The following BTN3A2 variants were observed in gnomAD, a reference collection of about 807,000 sequenced individuals.
The protein encoded by BTN3A2 is butyrophilin subfamily 3 member A2.
A neutral mutation model predicts 37.6 loss-of-function variants in BTN3A2; 25 were observed. That is an observed-to-expected ratio of 0.66 (90% confidence interval 0.48 to 0.93). BTN3A2 has a LOEUF of 0.93. Ranked by LOEUF, BTN3A2 falls within the 40% of genes least tolerant of loss-of-function variation. The probability of loss-of-function intolerance (pLI) is 0.00; values close to 1 mark genes in which losing one functional copy is unlikely to be tolerated. For missense variants in BTN3A2, 266 were observed against 410.9 expected, an observed-to-expected ratio of 0.65 and a Z score of 3.05; for synonymous variants, 122 against 159.4, an observed-to-expected ratio of 0.77 and a Z score of 1.77.
chr6:26,370,695 C>A, intron 5 of BTN3A2, 92 bp downstream of exon 5: 1 of 1,569,822 alleles, frequency 6.4e-7, no homozygotes, highest in South Asian at 1.2e-5. Flanking sequence ...ACCTGGGTCT[C>A]TGCACTGAAT....
chr6:26,373,331 C>T, intron 7 of BTN3A2, 35 bp downstream of exon 7: 7 of 1,587,186 alleles, frequency 4.4e-6, no homozygotes, highest in Non-Finnish European at 5.1e-6. Context: ...CCAGACATGT[C>T]TTCCTATCCT....
At position 26,368,002 on chromosome 6, in the gene BTN3A2, A is replaced by G; in HGVS notation, c.-54A>G. On this transcript the variant is annotated 5_prime_UTR_variant, in exon 2 of 11. It adds an upstream start codon to the 5' untranslated region. Coordinates refer to ENST00000377708, the MANE Select transcript of BTN3A2 (RefSeq NM_007047.5). ...ATTATTTTTACAGATGGTTTTCCAT[A>G]CTGGAACCCAAAGGTAAAGACACTC... The G allele has an allele frequency of 7.1e-6, 10 of 1,414,812 alleles. No individual in the cohort carries two copies. Among genetic ancestry groups the G allele is most frequent in the South Asian group, 1.6e-5 (1 of 64,110 alleles). The allele number at this position is 1,414,812 out of a possible 1,614,324, so 87.6% of individuals were successfully genotyped here.
intron 10 of BTN3A2, chr6:26,375,427 A>G (rs1760621133): frequency 2.0e-6 from 1 of 493,136 alleles, no homozygotes; most frequent in South Asian, 3.2e-5. Flanking sequence ...GGGCCTTGTT[A>G]GAGCACCACC....
intron 1 of BTN3A2, among the ~76,000 whole-genome samples, chr6:26,367,780 G>A (rs1759658448): frequency 6.6e-6 from 1 of 152,208 alleles, no homozygotes; most frequent in Admixed American, 6.5e-5. Flanking sequence ...TGACGCTTGA[G>A]GAGTCCATAG....
At chr6:26,374,480 T>G in intron 9 of BTN3A2, 107 bp downstream of exon 9, 1 of 1,259,048 alleles carries the variant, frequency 7.9e-7, no homozygotes, top group South Asian at 1.2e-5. Context: ...ACTCAATTTC[T>G]GTGTGGTGGG....
chr6:26,367,208 A>C (rs959588687), intron 1 of BTN3A2, among the ~76,000 whole-genome samples: 3 of 152,200 alleles, frequency 2.0e-5, no homozygotes, highest in Non-Finnish European at 4.4e-5. Flanking sequence ...TGCTGCATTG[A>C]ATTTCCTCCT....
At chr6:26,374,201 T>TAAAAAAAAAAAAAAAAAAAA (rs34655395) in intron 8 of BTN3A2, 126 bp from the exon 9 acceptor site, 3 of 240,888 alleles carry the variant, frequency 1.2e-5, no homozygotes, top group African/African-American at 1.6e-4. Context: ...GGTGGGATGG[T>TAAAAAAAAAAAAAAAAAAAA]AAAAAAAAAA....
chr6:26,370,493 A>G lies in BTN3A2; in HGVS notation c.605A>G (p.Tyr202Cys), dbSNP rs201661141. 1.2e-5 allele frequency: 19 copies of G among 1,614,202 alleles called. No individual in the cohort carries two copies. Among genetic ancestry groups the G allele is most frequent in the Non-Finnish European group, 1.5e-5 (18 of 1,180,036 alleles). ...APVVADGVGL[Y>C]EVAASVIMRG... Reference sequence around the variant, plus strand: ...GTGGTTGCAGATGGAGTGGGCCTATATGAAGTAGCAGCATCTGTGATCATG... The same window carrying G: ...GTGGTTGCAGATGGAGTGGGCCTATGTGAAGTAGCAGCATCTGTGATCATG... Residue 202 changes from tyrosine (Y) to cysteine (C), a missense_variant, in exon 5 of 11, where the codon TAT becomes TGT. Physicochemically the swap from Tyr to Cys is radical, Grantham distance 194. Coordinates refer to ENST00000377708, the MANE Select transcript of BTN3A2 (RefSeq NM_007047.5).
In BTN3A2 at chr6:26,372,914, G is replaced by T. The variant is rs780468088; in HGVS notation, c.733G>T (p.Ala245Ser). 4 of 1,613,696 alleles carry T rather than the reference G, an allele frequency of 2.5e-6. No homozygotes were observed. The highest frequency in any genetic ancestry group is 2.2e-5 in the East Asian group (1 of 44,884). ...CTTCGCAGACCCCTTCTTCAGGAGC[G>T]CCCAGCCCTGGATCGCAGCCCTGGC... ...ISIADPFFRS[A>S]QPWIAALAGT... The change falls in exon 6 of 11, where the codon GCC becomes TCC. Residue 245 changes from alanine to serine, a missense_variant. Physicochemically the swap from Ala to Ser is moderately conservative, Grantham distance 99. Coordinates refer to ENST00000377708, the MANE Select transcript of BTN3A2 (RefSeq NM_007047.5).
rs917359024 is a variant in BTN3A2 at position 26,376,463 on chromosome 6, C to T, written c.*701C>T. The T allele has an allele frequency of 1.5e-5, 14 of 963,278 alleles. No homozygotes were observed. Among genetic ancestry groups the T allele is most frequent in the African/African-American group, 3.3e-5 (2 of 59,750 alleles). 59.7% of individuals were successfully genotyped at this position (963,278 alleles called of 1,614,324 possible). A position where few individuals can be genotyped will look rare whatever the true frequency, so the allele number is the denominator to read the frequency against. ...AATCACATTCAGGGCAGGCTAGGGA[C>T]ACGGGGTTCTGGAAGGACCTCCTCA... On this transcript the variant is annotated 3_prime_UTR_variant, in exon 11 of 11. Transcript: ENST00000377708.
rs1179763390 is a variant in BTN3A2, at chr6:26,378,085, A to G, written c.*2323A>G. ...TGGTAATTTGGATGAAGGAAGCTAG[A>G]AGAATTACAGGGATGTTTTTAATCC... On this transcript the variant is annotated 3_prime_UTR_variant, in exon 11 of 11. Coordinates refer to ENST00000377708, the MANE Select transcript of BTN3A2 (RefSeq NM_007047.5). The G allele has an allele frequency of 1.3e-5, 2 of 152,204 alleles. No individual in the cohort carries two copies. The highest frequency in any genetic ancestry group is 2.9e-5 in the Non-Finnish European group (2 of 68,050). The allele number at this position is 152,204 out of a possible 1,614,324, so 9.4% of individuals were successfully genotyped here.
rs1426293806 is a variant in BTN3A2 at position 26,370,472 on chromosome 6, T to C, written c.584T>C (p.Val195Ala). 1.9e-6 allele frequency: 3 copies of C among 1,614,070 alleles called. No individual in the cohort carries two copies. The highest frequency in any genetic ancestry group is 1.1e-5 in the South Asian group (1 of 91,084). Residue 195 changes from valine to alanine, a missense_variant, in exon 5 of 11, where the codon GTT becomes GCT. Val to Ala is a moderately conservative substitution (Grantham distance 64). This residue lies in a region of BTN3A2 where 204 missense variants were observed against 232.6 expected (regional missense o/e 0.88). Coordinates refer to ENST00000377708, the MANE Select transcript of BTN3A2 (RefSeq NM_007047.5). ...ATCCCAGCTGTGGAAGCACCTGTGG[T>C]TGCAGATGGAGTGGGCCTATATGAA... ...ENIPAVEAPV[V>A]ADGVGLYEVA...
intron 4 of BTN3A2, among the ~76,000 whole-genome samples, chr6:26,369,859 TTCTC>T (rs1759921868): frequency 1.3e-5 from 2 of 152,184 alleles, no homozygotes; most frequent in Admixed American, 1.3e-4. Flanking sequence ...GCTTTTCTCT[TTCTC>T]AGTGCAATCC....
chr6:26,377,031 G>C lies in BTN3A2; in HGVS notation c.*1269G>C. The C allele has an allele frequency of 7.2e-7, 1 of 1,396,874 alleles. No individual in the cohort carries two copies. The highest frequency in any genetic ancestry group is 1.0e-6 in the Non-Finnish European group (1 of 986,168). The allele number at this position is 1,396,874 out of a possible 1,614,324, so 86.5% of individuals were successfully genotyped here. On this transcript the variant is annotated 3_prime_UTR_variant, in exon 11 of 11. Coordinates refer to ENST00000377708, the MANE Select transcript of BTN3A2 (RefSeq NM_007047.5). ...CACATTTCTGCACGCCTCTTCCTCT[G>C]AGCCTCTGTATCCTGTATTCAGAAT... is the stretch of plus-strand genomic sequence containing the variant.
rs768659904 is a variant in BTN3A2, at chr6:26,368,593, G to A, written c.114G>A (p.Gly38=). Residue 38 remains glycine, a synonymous_variant, in exon 4 of 11, where the codon GGG becomes GGA. Coordinates refer to ENST00000377708, the MANE Select transcript of BTN3A2 (RefSeq NM_007047.5). The stretch of plus-strand genomic sequence containing the variant: ...AGTTTTCTGTGCTTGGACCCTCTGG[G>A]CCCATCCTGGCCATGGTGGGTGAAG... The part of the protein sequence containing the change: ...SAQFSVLGPS[G]PILAMVGEDA... The A allele has an allele frequency of 1.2e-4, 192 of 1,613,824 alleles. No individual in the cohort carries two copies. The highest frequency in any genetic ancestry group is 1.3e-4 in the Non-Finnish European group (159 of 1,179,838).
intron 3 of BTN3A2, 140 bp from the exon 4 acceptor site, chr6:26,368,423 CAA>C (rs1561798325): frequency 2.0e-6 from 3 of 1,538,414 alleles, no homozygotes; most frequent in African/African-American, 1.4e-5. Context: ...TCACCTGTCA[CAA>C]AGAGACAAAT....
chr6:26,377,131 T>C lies in BTN3A2; in HGVS notation c.*1369T>C, dbSNP rs1453711293. On this transcript the variant is annotated 3_prime_UTR_variant, in exon 11 of 11. Coordinates refer to ENST00000377708, the MANE Select transcript of BTN3A2 (RefSeq NM_007047.5). ...GAGAGTTCCCCCGATCCCGACCTAG[T>C]GCCTGATCATTCCCTGGAGATACCA... The C allele has an allele frequency of 7.7e-7, 1 of 1,297,882 alleles. No homozygotes were observed. The highest frequency in any genetic ancestry group is 1.5e-5 in the African/African-American group (1 of 68,960). 80.4% of individuals were successfully genotyped at this position (1,297,882 alleles called of 1,614,324 possible).
At chr6:26,373,710 G>A (rs1321847316) in intron 8 of BTN3A2, 3 of 326,794 alleles carry the variant, frequency 9.2e-6, no homozygotes, top group Non-Finnish European at 1.6e-5. Flanking sequence ...GGGAAGAGAA[G>A]GATGAGGTGC....
At chr6:26,371,879 A>G (rs182143641) in intron 5 of BTN3A2, among the ~76,000 whole-genome samples, 1,613 of 152,210 alleles carry the variant, frequency 0.011, 13 homozygotes, top group Middle Eastern at 0.031. Flanking sequence ...AGGTTTTACC[A>G]TGTTGGCCAG....
Sources: gnomAD v4.1 joint callset for allele counts (sites outside exome capture counted in the v4.1 genomes callset) on GRCh38, gnomAD v4.1.1 for gene constraint, gnomAD v4.1.1 regional missense constraint, MANE v1.5 for transcripts, NCBI Gene and HGNC (gene_info 2026-07-23, HGNC 2026-07-21) for gene names.